XPO7: variants seen among roughly 807,000 people sequenced by gnomAD.
XPO7 encodes exportin 7, also known as exportin-7.
A neutral mutation model predicts 144.3 loss-of-function variants in XPO7; 21 were observed. That is an observed-to-expected ratio of 0.15 (90% CI 0.10 to 0.21). The LOEUF is 0.21. Among genes scored for constraint, XPO7 ranks in the 10% least tolerant of loss-of-function variants. The probability of loss-of-function intolerance (pLI) is 1.00; values close to 1 mark genes in which losing one functional copy is unlikely to be tolerated. For missense variants in XPO7, 808 were observed against 1,325.8 expected (o/e 0.61, Z 6.06); for synonymous variants, 580 against 499.6 (o/e 1.16, Z -2.15).
intron 1 of XPO7, among the ~76,000 whole-genome samples, chr8:21,945,161 C>T (rs1053787933): frequency 1.1e-4 from 17 of 152,202 alleles, no homozygotes; most frequent in Non-Finnish European, 8.8e-5. Context: ...CAGAGGGGCT[C>T]TTCACTTCCC....
Position 21,994,467 on chromosome 8 carries a change from C to T in XPO7, c.2237+16C>T, listed in dbSNP as rs370921759. The T allele has an allele frequency of 1.4e-5, 23 of 1,604,966 alleles. No individual in the cohort carries two copies. Among genetic ancestry groups the T allele is most frequent in the Non-Finnish European group, 1.6e-5 (19 of 1,174,160 alleles). Reference sequence around the variant, plus strand: ...TTGAATGGATGTATCCTAACTCAAACTAGGAGCACACTACAGCCTGCCTTA... The same window carrying T: ...TTGAATGGATGTATCCTAACTCAAATTAGGAGCACACTACAGCCTGCCTTA... On this transcript the variant is annotated intron_variant, in intron 20 of 27. Coordinates refer to ENST00000252512, the MANE Select transcript of XPO7 (RefSeq NM_015024.5).
Position 21,976,367 on chromosome 8 carries a change from G to T in XPO7, c.609G>T (p.Lys203Asn). The change falls in exon 7 of 28, where the codon AAG becomes AAT. Residue 203 changes from lysine to asparagine, a missense_variant. Physicochemically the swap from Lys to Asn is moderately conservative, Grantham distance 94 (BLOSUM62 0). Coordinates refer to ENST00000252512, the MANE Select transcript of XPO7 (RefSeq NM_015024.5). Reference protein sequence around the residue: ...SCNLLKQASGKNLNLNDESQH... With the variant: ...SCNLLKQASGNNLNLNDESQH... ...GGTAATTTTTACAGGCTTCAGGAAA[G>T]AATCTAAACTTGAATGATGAAAGTC... 6.2e-7 allele frequency: 1 copy of T among 1,613,664 alleles called. No homozygotes were observed. Among genetic ancestry groups the T allele is most frequent in the Non-Finnish European group, 8.5e-7 (1 of 1,179,734 alleles).
At chr8:21,923,044 G>A (rs1810341209) in intron 1 of XPO7, among the ~76,000 whole-genome samples, 1 of 152,132 alleles carries the variant, frequency 6.6e-6, no homozygotes, top group Non-Finnish European at 1.5e-5. Context: ...TGTTTTTTCA[G>A]CTTTTAACAA....
At chr8:21,959,379 A>G (rs948089709) in intron 1 of XPO7, among the ~76,000 whole-genome samples, 4 of 152,240 alleles carry the variant, frequency 2.6e-5, no homozygotes, top group African/African-American at 9.6e-5. Flanking sequence ...ACAACCTTGT[A>G]AAGTGGGTGT....
Position 21,989,073 on chromosome 8 carries a change from C to A in XPO7, c.1858C>A (p.Leu620Met). 2 of 1,613,640 alleles carry A rather than the reference C, an allele frequency of 1.2e-6. No homozygotes were observed. Among genetic ancestry groups the A allele is most frequent in the Non-Finnish European group, 1.7e-6 (2 of 1,179,738 alleles). ...CAAGACACTACAGCTTCTCAATGAC[C>A]TGTCCATTGGATATCCTTTTCTAAG... ...TSKTLQLLND[L>M]SIGYSSVRKL... Residue 620 changes from leucine (L) to methionine (M), a missense_variant, in exon 16 of 28, where the codon CTG (leucine) becomes ATG (methionine). Transcript: ENST00000252512.
chr8:21,931,945 T>A (rs1199383995), intron 1 of XPO7, among the ~76,000 whole-genome samples: 2 of 152,192 alleles, frequency 1.3e-5, no homozygotes, highest in African/African-American at 4.8e-5. Context: ...CGGTCTTGGC[T>A]CATTGCAACC....
intron 25 of XPO7, 79 bp from the exon 26 acceptor site, chr8:22,003,140 C>A (rs2117411421): frequency 1.8e-6 from 2 of 1,100,056 alleles, no homozygotes; most frequent in Middle Eastern, 2.0e-4. Flanking sequence ...CTAATATACT[C>A]CTGTATTTGG....
intron 1 of XPO7, among the ~76,000 whole-genome samples, chr8:21,961,184 G>C (rs747886692): frequency 6.6e-6 from 1 of 151,232 alleles, no homozygotes; most frequent in African/African-American, 2.4e-5. Flanking sequence ...TCTAGGAGTG[G>C]AATAGCTGGG....
intron 1 of XPO7, among the ~76,000 whole-genome samples, chr8:21,938,416 C>T (rs978965056): frequency 6.6e-6 from 1 of 152,038 alleles, no homozygotes; most frequent in African/African-American, 2.4e-5. Flanking sequence ...AAAAAGAAAC[C>T]CTATACCCGA....
In XPO7 at chr8:21,946,959, G is replaced by A. The variant is rs1811214248; in HGVS notation, c.19-19898G>A. Among the ~76,000 whole-genome samples, 5 of 152,292 alleles carry A rather than the reference G, an allele frequency of 3.3e-5. 1 individual carries two copies. The South Asian group carries it at 1.0e-3, about 32-fold the overall frequency. On this transcript the variant is annotated intron_variant, in intron 1 of 27. Transcript: ENST00000252512. ...CCCAACAAAATTATCTTTCAAGAAT[G>A]AGGGCACTAAAAGTCATTTTTAGAT...
At chr8:21,965,660 G>C (rs1407238842) in intron 1 of XPO7, among the ~76,000 whole-genome samples, 1 of 152,144 alleles carries the variant, frequency 6.6e-6, no homozygotes, top group African/African-American at 2.4e-5. Context: ...CTTTCAGTTA[G>C]TGTTGGAAAT....
intron 1 of XPO7, among the ~76,000 whole-genome samples, chr8:21,922,714 T>G (rs1810329173): frequency 6.6e-6 from 1 of 152,188 alleles, no homozygotes; most frequent in Non-Finnish European, 1.5e-5. Flanking sequence ...AAGAATATGA[T>G]TTATATATCG....
intron 19 of XPO7, among the ~76,000 whole-genome samples, chr8:21,993,989 C>A (rs1812856579): frequency 7.3e-6 from 1 of 137,624 alleles, no homozygotes; most frequent in African/African-American, 2.6e-5. Flanking sequence ...CCCCTCCTTT[C>A]CTCCCTGGGT....
At chr8:21,937,958 GATA>G (rs1231640447) in intron 1 of XPO7, among the ~76,000 whole-genome samples, 3 of 152,026 alleles carry the variant, frequency 2.0e-5, no homozygotes, top group African/African-American at 7.2e-5. Flanking sequence ...ATAAGATATA[GATA>G]ATATTTATGA....
intron 1 of XPO7, among the ~76,000 whole-genome samples, chr8:21,943,556 T>TA (rs1261576501): frequency 6.6e-6 from 1 of 152,204 alleles, no homozygotes; most frequent in African/African-American, 2.4e-5. Flanking sequence ...TTGATAGTAT[T>TA]AAAGGGTGAG....
intron 4 of XPO7, among the ~76,000 whole-genome samples, chr8:21,970,722 T>C (rs1301279205): frequency 2.0e-5 from 3 of 152,216 alleles, no homozygotes; most frequent in East Asian, 1.9e-4. Context: ...AAAAAAGTTA[T>C]ACAGCTTGCA....
intron 7 of XPO7, among the ~76,000 whole-genome samples, 165 bp downstream of exon 7, chr8:21,976,686 C>T (rs1310941889): frequency 6.6e-6 from 1 of 152,230 alleles, no homozygotes; most frequent in African/African-American, 2.4e-5. Context: ...CAGGGTCTCA[C>T]TCTGTCACCC....
intron 4 of XPO7, 125 bp downstream of exon 4, chr8:21,970,435 A>C: frequency 9.8e-7 from 1 of 1,019,108 alleles, no homozygotes; most frequent in Non-Finnish European, 1.4e-6. Flanking sequence ...CACAAAATAG[A>C]ATTATATGAT....
intron 1 of XPO7, among the ~76,000 whole-genome samples, chr8:21,923,966 T>G (rs1161941394): frequency 6.6e-6 from 1 of 152,192 alleles, no homozygotes; most frequent in East Asian, 1.9e-4. Context: ...TTATCTCACA[T>G]TTTCTCAGGG....
Sources: gnomAD v4.1 joint callset for allele counts (sites outside exome capture counted in the v4.1 genomes callset) on GRCh38, gnomAD v4.1.1 for gene constraint, MANE v1.5 for transcripts, NCBI Gene and HGNC (gene_info 2026-07-23, HGNC 2026-07-21) for gene names.